The following MLLT3 variants were observed in gnomAD, a reference collection of about 807,000 sequenced individuals.
The protein encoded by MLLT3 is protein AF-9.
Under a neutral mutation model 53.2 loss-of-function variants are expected in MLLT3, and 4 were observed. The ratio of observed to expected loss-of-function variants is 0.08; its 90% CI spans 0.04 to 0.17. The LOEUF (loss-of-function observed/expected upper bound fraction) is 0.17. Ranked by LOEUF, MLLT3 falls within the 10% of genes least tolerant of loss-of-function variation. The pLI, the probability that MLLT3 is intolerant of heterozygous loss-of-function variation, is 1.00. For missense variants in MLLT3, 569 were observed against 684.0 expected, an observed-to-expected ratio of 0.83 and a Z score of 1.87; for synonymous variants, 283 against 230.6, an observed-to-expected ratio of 1.23 and a Z score of -2.06.
intron 2 of MLLT3, 142 bp from the exon 3 acceptor site, chr9:20,456,928 G>A (rs971186457): frequency 3.8e-5 from 23 of 599,764 alleles, no homozygotes; most frequent in Admixed American, 2.1e-4. Flanking sequence ...TTGAGTCTCC[G>A]ATCTATCCTT....
intron 2 of MLLT3, among the ~76,000 whole-genome samples, chr9:20,578,404 G>A (rs1188901928): frequency 3.9e-5 from 6 of 152,112 alleles, no homozygotes; most frequent in East Asian, 3.9e-4. Context: ...GGGGCTGAAC[G>A]TGGTGGCTCA....
chr9:20,512,219 T>C (rs964389823), intron 2 of MLLT3, among the ~76,000 whole-genome samples: 2 of 152,248 alleles, frequency 1.3e-5, no homozygotes, highest in Non-Finnish European at 2.9e-5. Flanking sequence ...GATGTCTCCC[T>C]ATCTGGCTCC....
At chr9:20,532,297 T>G (rs979363076) in intron 2 of MLLT3, among the ~76,000 whole-genome samples, 1 of 141,284 alleles carries the variant, frequency 7.1e-6, no homozygotes, top group Non-Finnish European at 1.5e-5. Flanking sequence ...TATGGAAAAA[T>G]GTAAAAAAAT....
intron 4 of MLLT3, among the ~76,000 whole-genome samples, chr9:20,442,777 T>C (rs1441359413): frequency 6.6e-6 from 1 of 152,138 alleles, no homozygotes; most frequent in East Asian, 1.9e-4. Context: ...AAGATTCCAA[T>C]TTATTCCTTG....
intron 2 of MLLT3, among the ~76,000 whole-genome samples, chr9:20,507,788 A>G (rs1163686131): frequency 1.3e-5 from 2 of 151,888 alleles, no homozygotes; most frequent in Non-Finnish European, 2.9e-5. Flanking sequence ...AAATAGATAA[A>G]TCAATTGGCT....
chr9:20,549,156 C>T (rs891780771), intron 2 of MLLT3, among the ~76,000 whole-genome samples: 2 of 152,266 alleles, frequency 1.3e-5, no homozygotes, highest in East Asian at 3.9e-4. Context: ...TAAAATGAGG[C>T]ATTAGGAATA....
chr9:20,363,414 G>C, intron 7 of MLLT3, 62 bp downstream of exon 7: 1 of 1,591,500 alleles, frequency 6.3e-7, no homozygotes, highest in African/African-American at 1.3e-5. Context: ...GATTATCCCA[G>C]CAGGGCTTGT....
At chr9:20,498,697 A>C in intron 2 of MLLT3, among the ~76,000 whole-genome samples, 1 of 152,118 alleles carries the variant, frequency 6.6e-6, no homozygotes, top group South Asian at 2.1e-4. Flanking sequence ...GGCCCAAGAC[A>C]ATTCTTCTTC....
At chr9:20,619,689 G>A (rs1305485144) in intron 2 of MLLT3, among the ~76,000 whole-genome samples, 3 of 152,166 alleles carry the variant, frequency 2.0e-5, no homozygotes, top group Non-Finnish European at 4.4e-5. Flanking sequence ...CCAGACATTA[G>A]TTTTCCAGAG....
chr9:20,435,574 G>A (rs968658035), intron 4 of MLLT3, among the ~76,000 whole-genome samples: 3 of 152,190 alleles, frequency 2.0e-5, no homozygotes, highest in Admixed American at 1.3e-4. Context: ...CAAGCACTAA[G>A]CTAAAAAATG....
At chr9:20,544,581 T>C (rs1818735880) in intron 2 of MLLT3, among the ~76,000 whole-genome samples, 3 of 152,022 alleles carry the variant, frequency 2.0e-5, no homozygotes. Context: ...AAACAGAAAA[T>C]AATAGGTGTT....
rs71334526 is a variant in MLLT3 at position 20,343,183 on chromosome 9, CAAAAAAAAAAA to C, written c.*3249_*3259del. ...TAGGTGGGCCTGTAAAAGATATCGG[CAAAAAAAAAAA>C]AAAAAAAAAAAAAAAAAAAATTTTG... On this transcript the variant is annotated 3_prime_UTR_variant, in exon 11 of 11. Transcript: ENST00000380338. The C allele has an allele frequency of 0.075, 3,046 of 40,422 alleles. 71 individuals are homozygous for C. Among genetic ancestry groups the C allele is most frequent in the Admixed American group, 0.18 (431 of 2,442 alleles). 2.5% of individuals were successfully genotyped at this position (40,422 alleles called of 1,614,324 possible).
chr9:20,411,177 C>T (rs950939079), intron 5 of MLLT3: 1 of 152,536 alleles, frequency 6.6e-6, no homozygotes, highest in African/African-American at 2.4e-5. Context: ...TAACGGAGAG[C>T]ACTAGCAGTC....
chr9:20,511,109 T>C (rs901777519), intron 2 of MLLT3, among the ~76,000 whole-genome samples: 1 of 152,164 alleles, frequency 6.6e-6, no homozygotes, highest in African/African-American at 2.4e-5. Context: ...TATTATAAAA[T>C]TTAAAACAAA....
At chr9:20,388,217 C>G (rs1170415823) in intron 5 of MLLT3, among the ~76,000 whole-genome samples, 1 of 152,094 alleles carries the variant, frequency 6.6e-6, no homozygotes, top group Admixed American at 6.6e-5. Flanking sequence ...AAAACTAAAC[C>G]ATTAGCTAAA....
chr9:20,511,758 G>A (rs192831669), intron 2 of MLLT3, among the ~76,000 whole-genome samples: 12 of 151,786 alleles, frequency 7.9e-5, no homozygotes, highest in East Asian at 1.9e-4. Context: ...ATACATATGC[G>A]CACACACATG....
At chr9:20,476,052 C>T (rs1001486504) in intron 2 of MLLT3, among the ~76,000 whole-genome samples, 5 of 151,774 alleles carry the variant, frequency 3.3e-5, no homozygotes, top group East Asian at 3.9e-4. Flanking sequence ...AACATTAATG[C>T]GCTGTTTTTT....
intron 2 of MLLT3, among the ~76,000 whole-genome samples, chr9:20,613,213 G>A (rs974352999): frequency 6.6e-6 from 1 of 152,120 alleles, no homozygotes; most frequent in Non-Finnish European, 1.5e-5. Context: ...ATTAAATAAT[G>A]GCAATGGTTA....
chr9:20,567,257 C>T (rs1327642733), intron 2 of MLLT3, among the ~76,000 whole-genome samples: 11 of 108,150 alleles, frequency 1.0e-4, no homozygotes, highest in Admixed American at 4.5e-4. Flanking sequence ...CTAAATTAAA[C>T]GTGTTTCTAT....
Sources: allele counts gnomAD v4.1 joint callset (sites outside exome capture counted in the v4.1 genomes callset), GRCh38; gene constraint gnomAD v4.1.1; transcripts MANE v1.5; gene names NCBI Gene and HGNC (gene_info 2026-07-23, HGNC 2026-07-21).